GPR143: variants seen among roughly 807,000 people sequenced by gnomAD.
GPR143 encodes the protein G-protein coupled receptor 143.
A neutral mutation model predicts 27.6 loss-of-function variants in GPR143; 8 were observed. That is an observed-to-expected ratio of 0.29 (90% CI 0.17 to 0.52). GPR143 has a LOEUF of 0.52. Among genes scored for constraint, GPR143 ranks in the 20% least tolerant of loss-of-function variants. GPR143 has a pLI of 0.96. For synonymous variants in GPR143, 156 were observed against 153.2 expected, an observed-to-expected ratio of 1.02 and a Z score of -0.13; for missense variants, 303 against 343.1, an observed-to-expected ratio of 0.88 and a Z score of 0.92.
At chrX:9,755,633 C>A (rs1444038383) in intron 3 of GPR143, among the ~76,000 whole-genome samples, 1 of 111,047 alleles carries the variant, frequency 9.0e-6, no homozygotes, top group Non-Finnish European at 1.9e-5. Flanking sequence ...TCCTGATGCC[C>A]AGAATGTAGG....
chrX:9,737,352 T>G (rs111883446), intron 8 of GPR143, among the ~76,000 whole-genome samples: 2,558 of 111,354 alleles, frequency 0.023, 68 homozygotes, highest in African/African-American at 0.078. Context: ...AAAGAATAGG[T>G]GTATCCATAC....
At chrX:9,773,893 TTACA>T (rs1429724108) in intron 1 of GPR143, among the ~76,000 whole-genome samples, 1 of 111,044 alleles carries the variant, frequency 9.0e-6, no homozygotes, top group Non-Finnish European at 1.9e-5. Context: ...TTTAGAAAAA[TTACA>T]TACACTTCAT....
At chrX:9,759,489 C>A in intron 2 of GPR143, 63 bp from the exon 3 acceptor site, 1 of 762,175 alleles carries the variant, frequency 1.3e-6, no homozygotes, top group Middle Eastern at 2.9e-4. Context: ...CCAGCCCATC[C>A]TTGAGACGGC....
At chrX:9,762,686 CATT>C (rs1236810975) in intron 1 of GPR143, among the ~76,000 whole-genome samples, 2 of 112,084 alleles carry the variant, frequency 1.8e-5, no homozygotes, top group African/African-American at 6.5e-5. Context: ...GACATCTTCT[CATT>C]ATCAAGCCAC....
intron 3 of GPR143, among the ~76,000 whole-genome samples, chrX:9,752,662 T>G (rs1439977439): frequency 9.0e-6 from 1 of 110,504 alleles, no homozygotes; most frequent in East Asian, 2.8e-4. Context: ...GCTTTGAAGA[T>G]GGAGGAAAAG....
At chrX:9,752,561 T>C (rs2083455706) in intron 3 of GPR143, among the ~76,000 whole-genome samples, 1 of 112,144 alleles carries the variant, frequency 8.9e-6, no homozygotes, top group East Asian at 2.8e-4. Flanking sequence ...GTTGGGCCAA[T>C]GTAACTGCCA....
intron 1 of GPR143, among the ~76,000 whole-genome samples, chrX:9,772,840 A>G (rs1233435034): frequency 2.1e-5 from 2 of 93,099 alleles, no homozygotes; most frequent in African/African-American, 7.8e-5. Flanking sequence ...AAAAAAAGAC[A>G]TTGATAACAG....
intron 1 of GPR143, among the ~76,000 whole-genome samples, chrX:9,777,554 T>C (rs1053589839): frequency 8.0e-5 from 9 of 111,938 alleles, no homozygotes; most frequent in Non-Finnish European, 1.7e-4. Context: ...TATGTCCATC[T>C]GTTTCTCTAA....
At chrX:9,766,821 C>T (rs778927002), upstream of GPR143, among the ~76,000 whole-genome samples, 54 of 109,028 alleles carry the variant, frequency 5.0e-4, 1 homozygote, top group Non-Finnish European at 2.9e-4. Flanking sequence ...CACTTGAGCC[C>T]GGCAAGTGGA....
At chrX:9,776,751 G>A (rs2083572240) in intron 1 of GPR143, among the ~76,000 whole-genome samples, 1 of 110,032 alleles carries the variant, frequency 9.1e-6, no homozygotes, top group Non-Finnish European at 1.9e-5. Context: ...CTATTACCCA[G>A]GCTGGAGTGC....
intron 8 of GPR143, among the ~76,000 whole-genome samples, chrX:9,730,800 G>A (rs1354767822): frequency 1.8e-5 from 2 of 111,995 alleles, no homozygotes; most frequent in Non-Finnish European, 3.8e-5. Flanking sequence ...GTGCCCCAAA[G>A]GCTCTTGTTT....
chrX:9,773,414 C>T (rs932474985), intron 1 of GPR143, among the ~76,000 whole-genome samples: 6 of 110,803 alleles, frequency 5.4e-5, no homozygotes, highest in African/African-American at 1.3e-4. Flanking sequence ...AGTTGACAAA[C>T]GCTCAAGGCC....
intron 8 of GPR143, among the ~76,000 whole-genome samples, chrX:9,731,232 G>A (rs766573780): frequency 4.5e-5 from 5 of 111,663 alleles, no homozygotes; most frequent in Admixed American, 2.9e-4. Flanking sequence ...ACATCTCTAC[G>A]AAAAATACAA....
intron 3 of GPR143, among the ~76,000 whole-genome samples, chrX:9,750,452 C>G (rs1368089233): frequency 9.0e-6 from 1 of 111,359 alleles, no homozygotes; most frequent in Non-Finnish European, 1.9e-5. Context: ...CAGTGATCCC[C>G]TCACCTTGGC....
At chrX:9,766,326 G>A, upstream of GPR143, 1 of 112,170 alleles carries the variant, frequency 8.9e-6, no homozygotes, top group East Asian at 2.8e-4. Flanking sequence ...TTTTTCCTAA[G>A]TAGAGATGGT....
intron 1 of GPR143, among the ~76,000 whole-genome samples, chrX:9,771,688 C>T (rs1372291530): frequency 1.9e-5 from 2 of 103,294 alleles, no homozygotes; most frequent in Non-Finnish European, 3.9e-5. Flanking sequence ...TAGCATCCAA[C>T]TAAGCCATGG....
At chrX:9,771,643 A>G (rs2083554818) in intron 1 of GPR143, among the ~76,000 whole-genome samples, 1 of 109,688 alleles carries the variant, frequency 9.1e-6, no homozygotes, top group South Asian at 3.9e-4. Context: ...GAATTTATGG[A>G]GGACTTGGTT....
chrX:9,760,554 C>G (rs1299090883), intron 2 of GPR143, among the ~76,000 whole-genome samples, 163 bp downstream of exon 2: 1 of 111,057 alleles, frequency 9.0e-6, no homozygotes, highest in South Asian at 3.8e-4. Flanking sequence ...TGGGCAGCAT[C>G]CCCTGGAGGG....
At chrX:9,756,696 C>A (rs1677173820) in intron 3 of GPR143, among the ~76,000 whole-genome samples, 1 of 112,692 alleles carries the variant, frequency 8.9e-6, no homozygotes, top group Non-Finnish European at 1.9e-5. Flanking sequence ...CCAATTCACA[C>A]ATGCTAGGAT....
Sources: allele counts gnomAD v4.1 joint callset (sites outside exome capture counted in the v4.1 genomes callset), GRCh38; gene constraint gnomAD v4.1.1; transcripts MANE v1.5; gene names NCBI Gene and HGNC (gene_info 2026-07-23, HGNC 2026-07-21).